Variants in LRP1B observed in about 807,000 individuals in gnomAD.
LRP1B encodes the protein LDL receptor related protein 1B.
A neutral mutation model predicts 556.6 loss-of-function variants in LRP1B; 217 were observed. The ratio of observed to expected loss-of-function variants is 0.39; its 90% CI spans 0.35 to 0.44. The LOEUF is 0.44. LRP1B is among the 20% of genes least tolerant of loss of function. The pLI, the probability that LRP1B is intolerant of heterozygous loss-of-function variation, is 1.00. For missense variants in LRP1B, 5,053 were observed against 5,620.8 expected, an observed-to-expected ratio of 0.90 and a Z score of 3.23; for synonymous variants, 2,047 against 1,865.8, an observed-to-expected ratio of 1.10 and a Z score of -2.50.
At chr2:141,321,111 T>C (rs1374209650) in intron 3 of LRP1B, among the ~76,000 whole-genome samples, 1 of 152,114 alleles carries the variant, frequency 6.6e-6, no homozygotes, top group African/African-American at 2.4e-5. Context: ...TGAAAACATA[T>C]AATGTGGCAG....
At chr2:141,832,287 G>A (rs775041131) in intron 1 of LRP1B, among the ~76,000 whole-genome samples, 7 of 148,762 alleles carry the variant, frequency 4.7e-5, no homozygotes, top group Non-Finnish European at 1.0e-4. Context: ...TTGAAAATTG[G>A]TCTACTTGGT....
intron 2 of LRP1B, among the ~76,000 whole-genome samples, chr2:141,514,286 C>A (rs1362801266): frequency 2.6e-5 from 4 of 152,118 alleles, no homozygotes; most frequent in Admixed American, 1.3e-4. Context: ...TTATGTAATG[C>A]CCCAGACTTC....
At chr2:140,561,706 C>T (rs1393542325) in intron 43 of LRP1B, among the ~76,000 whole-genome samples, 1 of 151,806 alleles carries the variant, frequency 6.6e-6, no homozygotes, top group Non-Finnish European at 1.5e-5. Flanking sequence ...ATACAAATTT[C>T]CTCAAAAAAA....
intron 85 of LRP1B, among the ~76,000 whole-genome samples, chr2:140,271,262 C>T (rs1682448316): frequency 6.6e-6 from 1 of 151,886 alleles, no homozygotes; most frequent in Non-Finnish European, 1.5e-5. Flanking sequence ...CCAGAATTAA[C>T]AACAGATCAT....
intron 2 of LRP1B, among the ~76,000 whole-genome samples, chr2:141,734,811 AGAGACCAGG>A (rs1405361292): frequency 6.6e-6 from 1 of 152,172 alleles, no homozygotes. Context: ...TAACAAAGAT[AGAGACCAGG>A]GAGTCCTTAT....
chr2:140,670,881 G>A (rs2105357919), intron 41 of LRP1B, among the ~76,000 whole-genome samples: 1 of 152,254 alleles, frequency 6.6e-6, no homozygotes, highest in African/African-American at 2.4e-5. Context: ...AATGCCTAAG[G>A]CTGAAGATGC....
intron 1 of LRP1B, among the ~76,000 whole-genome samples, chr2:141,913,340 G>A (rs1047831336): frequency 6.6e-6 from 1 of 152,130 alleles, no homozygotes; most frequent in Non-Finnish European, 1.5e-5. Flanking sequence ...AAAAATTCAC[G>A]TATGTAGAAA....
At chr2:141,944,127 A>G (rs2105020059) in intron 1 of LRP1B, among the ~76,000 whole-genome samples, 1 of 152,216 alleles carries the variant, frequency 6.6e-6, no homozygotes, top group East Asian at 1.9e-4. Flanking sequence ...ATGGCACTGA[A>G]AGTGACAATG....
chr2:141,180,657 C>T (rs1680948522), intron 7 of LRP1B, among the ~76,000 whole-genome samples: 1 of 151,744 alleles, frequency 6.6e-6, no homozygotes, highest in Non-Finnish European at 1.5e-5. Context: ...CCAGGATGCT[C>T]CCACCCCAGC....
intron 2 of LRP1B, among the ~76,000 whole-genome samples, chr2:141,534,505 G>A (rs977222640): frequency 6.6e-6 from 1 of 152,060 alleles, no homozygotes; most frequent in Non-Finnish European, 1.5e-5. Context: ...CTCTCTTGTC[G>A]TGAGTGTATT....
intron 3 of LRP1B, among the ~76,000 whole-genome samples, chr2:141,276,670 T>C (rs1685306332): frequency 6.8e-6 from 1 of 147,242 alleles, no homozygotes; most frequent in African/African-American, 2.6e-5. Flanking sequence ...TTTTTTTTTT[T>C]TTTTGAGACA....
chr2:141,555,131 T>C (rs1047926799), intron 2 of LRP1B, among the ~76,000 whole-genome samples: 6 of 151,996 alleles, frequency 3.9e-5, no homozygotes, highest in Admixed American at 1.3e-4. Context: ...TGTAGAGATA[T>C]ACACATACAG....
Position 141,989,973 on chromosome 2 carries a change from C to A in LRP1B, c.82+140675G>T, listed in dbSNP as rs562987166. Reference sequence around the variant, plus strand: ...TAATAACCAATTTATAGTTCATAAGCCATTTTATCTTCTTTAGCTTTACAT... The same window carrying A: ...TAATAACCAATTTATAGTTCATAAGACATTTTATCTTCTTTAGCTTTACAT... On this transcript the variant is annotated intron_variant, in intron 1 of 90. Transcript: ENST00000389484. 3.9e-5 allele frequency among the ~76,000 whole-genome samples: 6 copies of A among 152,170 alleles called. No homozygotes were observed. The South Asian group carries it at 1.2e-3, about 32-fold the overall frequency.
chr2:140,485,348 T>C lies in LRP1B; in HGVS notation c.9420A>G (p.Gln3140=), dbSNP rs201734158. ...TTTTAACAGTTTTTACAAACCCAGC[T>C]TGAGGATCTAAAGACAAGTCTCTGG... ...KFPRDLSLDP[Q]AGYLYWIDCC... The change falls in exon 59 of 91, where the codon CAA becomes CAG. Residue 3140 remains glutamine, a synonymous_variant. Coordinates refer to ENST00000389484, the MANE Select transcript of LRP1B (RefSeq NM_018557.3). 4 of 1,607,946 alleles carry C rather than the reference T, an allele frequency of 2.5e-6. No homozygotes were observed. Among genetic ancestry groups the C allele is most frequent in the Non-Finnish European group, 3.4e-6 (4 of 1,177,918 alleles).
chr2:141,662,898 C>G (rs1431844252), intron 2 of LRP1B, among the ~76,000 whole-genome samples: 1 of 152,068 alleles, frequency 6.6e-6, no homozygotes, highest in Non-Finnish European at 1.5e-5. Context: ...CCGCATGACA[C>G]TTACTCCAAA....
intron 1 of LRP1B, among the ~76,000 whole-genome samples, chr2:142,046,955 G>A (rs746800146): frequency 1.5e-4 from 23 of 151,956 alleles, no homozygotes; most frequent in African/African-American, 4.8e-4. Context: ...TAAAGCTTTT[G>A]TAGGTTAACT....
chr2:141,167,951 C>A (rs973078208), intron 7 of LRP1B, among the ~76,000 whole-genome samples: 2 of 151,900 alleles, frequency 1.3e-5, no homozygotes, highest in Non-Finnish European at 2.9e-5. Flanking sequence ...AACTTTGATA[C>A]AACTACTCTG....
chr2:140,403,826 CA>C (rs1410058141), intron 66 of LRP1B, among the ~76,000 whole-genome samples: 1 of 152,070 alleles, frequency 6.6e-6, no homozygotes, highest in Non-Finnish European at 1.5e-5. Flanking sequence ...ACATAGTCAT[CA>C]GGCTATCTAA....
chr2:141,050,395 A>G (rs933892240), intron 10 of LRP1B, among the ~76,000 whole-genome samples: 4 of 151,970 alleles, frequency 2.6e-5, no homozygotes, highest in Non-Finnish European at 5.9e-5. Flanking sequence ...TGTTACATAG[A>G]TAGCATACAT....
Sources: gnomAD v4.1 joint callset for allele counts (sites outside exome capture counted in the v4.1 genomes callset) on GRCh38, gnomAD v4.1.1 for gene constraint, MANE v1.5 for transcripts, NCBI Gene and HGNC (gene_info 2026-07-23, HGNC 2026-07-21) for gene names.